Variants in ITFG1 observed in about 807,000 individuals in gnomAD.
ITFG1 encodes T-cell immunomodulatory protein.
In ITFG1, 34 loss-of-function variants were observed where a neutral mutation model predicts 81.8. The ratio of observed to expected loss-of-function variants is 0.42; its 90% CI spans 0.32 to 0.55. ITFG1 has a LOEUF of 0.55. Ranked by LOEUF, ITFG1 falls within the 20% of genes least tolerant of loss-of-function variation. The pLI is 0.17. For synonymous variants in ITFG1, 285 were observed against 270.6 expected (o/e 1.05, Z -0.52); for missense variants, 672 against 755.4 (o/e 0.89, Z 1.29).
chr16:47,182,666 A>C (rs1326199773), intron 14 of ITFG1, among the ~76,000 whole-genome samples: 1 of 152,224 alleles, frequency 6.6e-6, no homozygotes, highest in East Asian at 1.9e-4. Context: ...ACTATAGCAA[A>C]CAGTATCATC....
chr16:47,265,688 T>G (rs1423797723), intron 10 of ITFG1, among the ~76,000 whole-genome samples: 2 of 152,134 alleles, frequency 1.3e-5, no homozygotes, highest in African/African-American at 4.8e-5. Flanking sequence ...ATCATAAAAA[T>G]ACTCACTTAA....
At chr16:47,296,945 G>C (rs946552581) in intron 10 of ITFG1, among the ~76,000 whole-genome samples, 3 of 152,094 alleles carry the variant, frequency 2.0e-5, no homozygotes, top group African/African-American at 7.2e-5. Context: ...AAATCCATTT[G>C]GTCTAGAGTC....
At chr16:47,171,081 G>C (rs1964954616) in intron 14 of ITFG1, among the ~76,000 whole-genome samples, 1 of 142,040 alleles carries the variant, frequency 7.0e-6, no homozygotes, top group African/African-American at 2.6e-5. Flanking sequence ...ACACAGGCTG[G>C]AGTGCAGTGG....
intron 14 of ITFG1, chr16:47,202,276 GT>G: frequency 6.6e-6 from 1 of 152,214 alleles, no homozygotes; most frequent in African/African-American, 2.4e-5. Flanking sequence ...ACCTAGCAAG[GT>G]ACCATTTAAT....
intron 14 of ITFG1, among the ~76,000 whole-genome samples, chr16:47,184,804 A>T (rs1965187966): frequency 6.6e-6 from 1 of 152,156 alleles, no homozygotes. Context: ...TAAATGGACT[A>T]AATGCTCCAA....
In ITFG1 at chr16:47,243,828, C is replaced by T. The variant is rs781383020; in HGVS notation, c.1331-5820G>A. 2.6e-5 allele frequency among the ~76,000 whole-genome samples: 4 copies of T among 152,224 alleles called. No homozygotes were observed. In the South Asian group the frequency reaches 8.3e-4, roughly 32 times the overall value. On this transcript the variant is annotated intron_variant, in intron 12 of 17. Transcript: ENST00000320640. Reference sequence around the variant, plus strand: ...GGCCAAGGTGGGTGGATTAGGAATTCGAGACCAGCCTGGCCAACATGGTGA... The same window carrying T: ...GGCCAAGGTGGGTGGATTAGGAATTTGAGACCAGCCTGGCCAACATGGTGA...
chr16:47,407,995 G>A (rs1475090454), intron 6 of ITFG1, among the ~76,000 whole-genome samples: 3 of 152,152 alleles, frequency 2.0e-5, no homozygotes, highest in African/African-American at 4.8e-5. Flanking sequence ...ACAAACAACT[G>A]ACACTCAGGG....
intron 12 of ITFG1, among the ~76,000 whole-genome samples, chr16:47,239,027 C>T (rs1436118862): frequency 6.6e-6 from 1 of 152,058 alleles, no homozygotes; most frequent in Non-Finnish European, 1.5e-5. Context: ...AAAAGAGGCT[C>T]CAGTAATTTC....
intron 14 of ITFG1, among the ~76,000 whole-genome samples, chr16:47,175,117 A>G (rs16953196): frequency 0.016 from 2,425 of 152,268 alleles, 59 homozygotes; most frequent in African/African-American, 0.056. Context: ...AGAACACCAA[A>G]AGAGAATAAA....
chr16:47,231,369 A>G (rs773442969), intron 13 of ITFG1, among the ~76,000 whole-genome samples: 11 of 152,240 alleles, frequency 7.2e-5, no homozygotes, highest in Non-Finnish European at 1.6e-4. Context: ...TATACTGAGA[A>G]TAAAAGATTT....
intron 8 of ITFG1, among the ~76,000 whole-genome samples, chr16:47,326,932 T>C (rs1292390516): frequency 2.6e-5 from 4 of 152,136 alleles, no homozygotes; most frequent in Non-Finnish European, 5.9e-5. Context: ...GCCATCCCCA[T>C]CAAGCTACCA....
chr16:47,393,819 C>G (rs1368727245), intron 6 of ITFG1, among the ~76,000 whole-genome samples: 3 of 152,054 alleles, frequency 2.0e-5, no homozygotes, highest in Non-Finnish European at 4.4e-5. Context: ...TAGACTTCAT[C>G]AAACATTTGG....
At chr16:47,358,556 A>C (rs1342599159) in intron 8 of ITFG1, among the ~76,000 whole-genome samples, 1 of 152,192 alleles carries the variant, frequency 6.6e-6, no homozygotes, top group East Asian at 1.9e-4. Context: ...AACAATTTTT[A>C]ATCACTTAAC....
At chr16:47,313,695 A>G (rs1967304667) in intron 9 of ITFG1, 34 bp downstream of exon 9, 1 of 1,222,512 alleles carries the variant, frequency 8.2e-7, no homozygotes, top group Non-Finnish European at 1.2e-6. Flanking sequence ...AGCACATAAA[A>G]AAAAATGTTT....
At chr16:47,183,825 G>C (rs904399489) in intron 14 of ITFG1, among the ~76,000 whole-genome samples, 7 of 152,164 alleles carry the variant, frequency 4.6e-5, no homozygotes, top group Non-Finnish European at 8.8e-5. Context: ...GGCTTCAGAC[G>C]ATCAAATTAC....
rs564208322 is a variant in ITFG1, at chr16:47,404,114, A to G, written c.655+24690T>C. 3.3e-4 allele frequency among the ~76,000 whole-genome samples: 50 copies of G among 152,286 alleles called. No individual in the cohort carries two copies. In the Middle Eastern group the frequency reaches 0.02, roughly 62 times the overall value. On this transcript the variant is annotated intron_variant, in intron 6 of 17. Transcript: ENST00000320640. ...CTCGTCTGTGGAAAAATAGTCTATCAAGAACCATTCTCTGGGGCCAAAAGG... is the reference window on the plus strand; with the variant it reads ...CTCGTCTGTGGAAAAATAGTCTATCGAGAACCATTCTCTGGGGCCAAAAGG...
At chr16:47,273,848 T>G (rs1329351560) in intron 10 of ITFG1, among the ~76,000 whole-genome samples, 1 of 152,140 alleles carries the variant, frequency 6.6e-6, no homozygotes, top group African/African-American at 2.4e-5. Context: ...TTGCCCAGGC[T>G]GGAGTGCAGT....
chr16:47,452,680 T>A (rs185008251), intron 4 of ITFG1, 53 bp downstream of exon 4: 268 of 1,222,804 alleles, frequency 2.2e-4, no homozygotes, highest in Middle Eastern at 1.8e-3. Flanking sequence ...TGTGAAGATT[T>A]TATTTTATGT....
At chr16:47,217,530 G>A (rs1395393082) in intron 14 of ITFG1, among the ~76,000 whole-genome samples, 1 of 152,124 alleles carries the variant, frequency 6.6e-6, no homozygotes, top group Non-Finnish European at 1.5e-5. Context: ...TTTTTGTAAA[G>A]GTTTAATATG....
Sources: gnomAD v4.1 joint callset for allele counts (sites outside exome capture counted in the v4.1 genomes callset) on GRCh38, gnomAD v4.1.1 for gene constraint, MANE v1.5 for transcripts, NCBI Gene and HGNC (gene_info 2026-07-23, HGNC 2026-07-21) for gene names.